RBFOX3: variants seen among roughly 807,000 people sequenced by gnomAD.
The protein encoded by RBFOX3 is RNA binding protein fox-1 homolog 3.
Under a neutral mutation model 48.7 loss-of-function variants are expected in RBFOX3, and 17 were observed. That is an observed-to-expected ratio of 0.35 (90% CI 0.24 to 0.52). The LOEUF is 0.52. RBFOX3 is among the 20% of genes least tolerant of loss of function. The probability of loss-of-function intolerance (pLI) is 0.94; values close to 1 mark genes in which losing one functional copy is unlikely to be tolerated. For missense variants in RBFOX3, 382 were observed against 497.5 expected (o/e 0.77, Z 2.21); for synonymous variants, 212 against 209.5 (o/e 1.01, Z -0.10).
chr17:79,410,362 G>T (rs994757868), intron 2 of RBFOX3, among the ~76,000 whole-genome samples: 6 of 152,276 alleles, frequency 3.9e-5, no homozygotes, highest in African/African-American at 1.4e-4. Context: ...CAGAGTTCCA[G>T]GTCAGCACCT....
intron 1 of RBFOX3, among the ~76,000 whole-genome samples, chr17:79,606,829 A>G (rs1866983445): frequency 6.6e-6 from 1 of 152,172 alleles, no homozygotes; most frequent in South Asian, 2.1e-4. Context: ...CTCACAGGTC[A>G]CACAAGGAGG....
chr17:79,586,778 G>A (rs1174326711), intron 1 of RBFOX3, among the ~76,000 whole-genome samples: 8 of 152,178 alleles, frequency 5.3e-5, no homozygotes, highest in Non-Finnish European at 1.0e-4. Context: ...CTTGTTTGTT[G>A]GAGAGTGTAT....
At chr17:79,636,174 A>G in the RBFOX3 span, among the ~76,000 whole-genome samples, 1 of 152,202 alleles carries the variant, frequency 6.6e-6, no homozygotes, top group Non-Finnish European at 1.5e-5. Flanking sequence ...AAAGTGAGAT[A>G]GAGCTATATG....
intron 1 of RBFOX3, among the ~76,000 whole-genome samples, chr17:79,503,620 G>C (rs1333574051): frequency 6.6e-6 from 1 of 152,142 alleles, no homozygotes. Context: ...CCACGGCTGC[G>C]TGTGGCTCGG....
At chr17:79,208,972 C>A (rs564251150) in intron 4 of RBFOX3, among the ~76,000 whole-genome samples, 1 of 152,164 alleles carries the variant, frequency 6.6e-6, no homozygotes, top group Non-Finnish European at 1.5e-5. Flanking sequence ...CCCGCCACCA[C>A]GCCCGGCTAA....
chr17:79,522,369 C>A (rs1283827609), intron 1 of RBFOX3, among the ~76,000 whole-genome samples: 2 of 152,152 alleles, frequency 1.3e-5, no homozygotes, highest in Non-Finnish European at 2.9e-5. Context: ...TCCTCAGGAG[C>A]TAGAGGCCCC....
intron 3 of RBFOX3, among the ~76,000 whole-genome samples, chr17:79,294,723 G>C (rs2074038481): frequency 6.6e-6 from 1 of 152,180 alleles, no homozygotes; most frequent in African/African-American, 2.4e-5. Context: ...CTCCGGACTG[G>C]GGGCCACGTG....
chr17:79,529,969 C>T (rs1398941548), intron 1 of RBFOX3, among the ~76,000 whole-genome samples: 5 of 152,214 alleles, frequency 3.3e-5, no homozygotes, highest in African/African-American at 7.2e-5. Flanking sequence ...GAGGCTGAGA[C>T]CATCTGGCCT....
intron 1 of RBFOX3, among the ~76,000 whole-genome samples, chr17:79,552,864 T>C (rs1452840957): frequency 6.6e-6 from 1 of 152,224 alleles, no homozygotes; most frequent in African/African-American, 2.4e-5. Context: ...CATGCATACA[T>C]GCATACATAG....
intron 4 of RBFOX3, among the ~76,000 whole-genome samples, chr17:79,175,867 C>T (rs978062834): frequency 6.6e-6 from 1 of 152,238 alleles, no homozygotes; most frequent in African/African-American, 2.4e-5. Context: ...GCCTCAGAGG[C>T]TTAGACACAG....
chr17:79,094,976 T>C (rs74001534), intron 13 of RBFOX3, among the ~76,000 whole-genome samples: 6,880 of 152,222 alleles, frequency 0.045, 399 homozygotes, highest in African/African-American at 0.14. Context: ...CCCTCACGAC[T>C]TTCCCTTCAG....
At chr17:79,582,170 G>A (rs1412210306) in intron 1 of RBFOX3, among the ~76,000 whole-genome samples, 7 of 151,756 alleles carry the variant, frequency 4.6e-5, no homozygotes, top group Non-Finnish European at 5.9e-5. Flanking sequence ...GCCTGTGCGT[G>A]CCTGTGTATG....
intron 3 of RBFOX3, among the ~76,000 whole-genome samples, chr17:79,272,781 G>T (rs960472880): frequency 6.6e-6 from 1 of 152,156 alleles, no homozygotes; most frequent in Non-Finnish European, 1.5e-5. Context: ...TGGAGGGAGG[G>T]CTCTGGATGC....
At position 79,220,139 on chromosome 17, in the gene RBFOX3, C is replaced by T. The variant is rs1325141299; in HGVS notation, c.-34+15627G>A. Among the ~76,000 whole-genome samples, 1 of 152,144 alleles carries T rather than the reference C, an allele frequency of 6.6e-6. No homozygotes were observed. Among genetic ancestry groups the T allele is most frequent in the African/African-American group, 2.4e-5 (1 of 41,418 alleles). On this transcript the variant is annotated intron_variant, in intron 4 of 14. Transcript: ENST00000693108. The surrounding 1 kb of genome is among the most constrained non-coding windows in gnomAD (Gnocchi z 5.9). ...CCCAACATTTCAGCCCCAGATCTGC[C>T]CAGAGTGAGAAAGCAACACGCAGTC...
chr17:79,314,500 A>G (rs2077270174), intron 2 of RBFOX3, among the ~76,000 whole-genome samples: 1 of 152,204 alleles, frequency 6.6e-6, no homozygotes, highest in East Asian at 1.9e-4. Context: ...TCCACGCCTG[A>G]GACAGGAGAC....
intron 2 of RBFOX3, among the ~76,000 whole-genome samples, chr17:79,383,611 G>A (rs1365233837): frequency 6.6e-6 from 1 of 152,210 alleles, no homozygotes; most frequent in Admixed American, 6.5e-5. Flanking sequence ...CCCTTACAGA[G>A]TCAGAGCATG....
intron 2 of RBFOX3, among the ~76,000 whole-genome samples, chr17:79,416,472 A>G (rs1183960144): frequency 6.6e-6 from 1 of 152,232 alleles, no homozygotes; most frequent in African/African-American, 2.4e-5. Context: ...CTATCCATCA[A>G]GGACGCCCAA....
At chr17:79,267,793 A>G (rs1216378546) in intron 3 of RBFOX3, among the ~76,000 whole-genome samples, 2 of 152,140 alleles carry the variant, frequency 1.3e-5, no homozygotes, top group Non-Finnish European at 2.9e-5. Flanking sequence ...TGAGTCATGG[A>G]GAAGCCCAGG....
chr17:79,428,313 C>T (rs143130342), intron 2 of RBFOX3, among the ~76,000 whole-genome samples: 4 of 152,172 alleles, frequency 2.6e-5, no homozygotes, highest in Admixed American at 6.5e-5. Flanking sequence ...GGGGAGCTCG[C>T]GGGGCAGGAC....
Sources: gnomAD v4.1 joint callset for allele counts (sites outside exome capture counted in the v4.1 genomes callset) on GRCh38, gnomAD v4.1.1 for gene constraint, Gnocchi (gnomAD v3.1) non-coding constraint, MANE v1.5 for transcripts, NCBI Gene and HGNC (gene_info 2026-07-23, HGNC 2026-07-21) for gene names.